The following CUX1 variants were observed in gnomAD, a reference collection of about 807,000 sequenced individuals.
The protein encoded by CUX1 is protein CASP.
In CUX1, 31 loss-of-function variants were observed where a neutral mutation model predicts 158.8. The observed-to-expected ratio is 0.20, with a 90% CI of 0.15 to 0.26. The LOEUF is 0.26. Among genes scored for constraint, CUX1 ranks in the 10% least tolerant of loss-of-function variants. The pLI, the probability that CUX1 is intolerant of heterozygous loss-of-function variation, is 1.00. For missense variants in CUX1, 1,589 were observed against 2,014.6 expected (o/e 0.79, Z 4.04); for synonymous variants, 879 against 862.1 (o/e 1.02, Z -0.34).
chr7:101,818,262 T>C, intron 1 of CUX1, among the ~76,000 whole-genome samples: 1 of 152,246 alleles, frequency 6.6e-6, no homozygotes, highest in South Asian at 2.1e-4. Flanking sequence ...TCTACCCTGT[T>C]TTAGTAAAAA....
At position 102,206,468 on chromosome 7, in the gene CUX1, G is replaced by A. The variant is rs564052220; in HGVS notation, c.3130+1298G>A. Among the ~76,000 whole-genome samples, 9 of 152,238 alleles carry A rather than the reference G, an allele frequency of 5.9e-5. No homozygotes were observed. The South Asian group carries it at 1.7e-3, about 28-fold the overall frequency. ...ATAGCTGTTTGTGCTGGAGTTTTAC[G>A]GACGTCTGCTTGGAAAGTTAGCCTT... On this transcript the variant is annotated intron_variant, in intron 20 of 23. Coordinates refer to ENST00000292535, the MANE Select transcript of CUX1 (RefSeq NM_181552.4).
At chr7:101,965,835 T>C (rs1219287933) in intron 2 of CUX1, among the ~76,000 whole-genome samples, 1 of 110,190 alleles carries the variant, frequency 9.1e-6, no homozygotes, top group Non-Finnish European at 1.7e-5. Context: ...GGCAACAGTG[T>C]GTGACTCCAT....
intron 12 of CUX1, among the ~76,000 whole-genome samples, chr7:102,191,653 G>A (rs1014887403): frequency 3.9e-5 from 6 of 152,086 alleles, no homozygotes; most frequent in South Asian, 2.1e-4. Context: ...AAACTGCTGC[G>A]AAGGCCTTTG....
At chr7:102,139,104 G>T (rs1188764991) in intron 8 of CUX1, among the ~76,000 whole-genome samples, 5 of 151,950 alleles carry the variant, frequency 3.3e-5, no homozygotes, top group African/African-American at 9.7e-5. Context: ...AATTAGCTGG[G>T]TGTGGTGGTA....
chr7:102,107,583 C>T (rs1038641248), intron 6 of CUX1, among the ~76,000 whole-genome samples: 3 of 152,134 alleles, frequency 2.0e-5, no homozygotes, highest in Admixed American at 6.5e-5. Flanking sequence ...TGCCAGCTCC[C>T]GCCCACCCGG....
At chr7:101,921,516 A>G (rs899763022) in intron 2 of CUX1, among the ~76,000 whole-genome samples, 3 of 152,088 alleles carry the variant, frequency 2.0e-5, no homozygotes, top group African/African-American at 4.8e-5. Context: ...GCTGGACTGC[A>G]GTGGCGCCAT....
intron 3 of CUX1, among the ~76,000 whole-genome samples, chr7:102,060,848 G>A (rs1025054967): frequency 3.4e-5 from 5 of 147,714 alleles, no homozygotes; most frequent in African/African-American, 7.5e-5. Context: ...TCCTGACCTT[G>A]TGATCTGCCC....
At chr7:101,862,280 G>A (rs1374560883) in intron 1 of CUX1, among the ~76,000 whole-genome samples, 1 of 152,038 alleles carries the variant, frequency 6.6e-6, no homozygotes, top group Non-Finnish European at 1.5e-5. Flanking sequence ...TCTCGGGGGT[G>A]TGTGGCGGGA....
chr7:102,189,102 CCTGATGCCTAT>C (rs1209924262), intron 11 of CUX1, among the ~76,000 whole-genome samples: 4 of 152,106 alleles, frequency 2.6e-5, no homozygotes, highest in African/African-American at 9.7e-5. Flanking sequence ...AGGCCTTTGC[CCTGATGCCTAT>C]CTGATGCCTA....
chr7:102,030,691 G>GTTTTTTTTTTTTTTTTTTTTTTGT (rs71119801), intron 3 of CUX1, among the ~76,000 whole-genome samples: 1 of 119,386 alleles, frequency 8.4e-6, no homozygotes. Context: ...TTTAAAAAGT[G>GTTTTTTTTTTTTTTTTTTTTTTGT]TTTTTTTTTT....
Position 102,248,831 on chromosome 7 carries a change from G to T in CUX1, c.4307G>T (p.Ser1436Ile), listed in dbSNP as rs1554538270. ...AAPGEGPAAP[S>I]SAPPPSNSSS... ...CCGGGGGAGGGCCCCGCGGCCCCGA[G>T]CTCCGCGCCGCCGCCCAGCAACAGC... is the stretch of plus-strand genomic sequence containing the variant. The change falls in exon 24 of 24, where the codon AGC becomes ATC. Residue 1436 changes from serine to isoleucine, a missense_variant. By Grantham distance (142) the Ser-to-Ile change is moderately radical. Coordinates refer to ENST00000292535, the MANE Select transcript of CUX1 (RefSeq NM_181552.4). The surrounding 1 kb of genome is among the most constrained non-coding windows in gnomAD (Gnocchi z 5.8). 11 of 1,194,606 alleles carry T rather than the reference G, an allele frequency of 9.2e-6. No individual in the cohort carries two copies. The South Asian group carries it at 2.9e-4, about 32-fold the overall frequency. The allele number at this position is 1,194,606 out of a possible 1,614,324, so 74.0% of individuals were successfully genotyped here. A position where few individuals can be genotyped will look rare whatever the true frequency, so the allele number is the denominator to read the frequency against.
At chr7:102,050,276 A>G (rs1454203794) in intron 3 of CUX1, among the ~76,000 whole-genome samples, 1 of 152,192 alleles carries the variant, frequency 6.6e-6, no homozygotes, top group African/African-American at 2.4e-5. Context: ...CGTTATATGC[A>G]CATGTTTAAA....
chr7:101,933,936 G>A (rs1424831420), intron 2 of CUX1, among the ~76,000 whole-genome samples: 1 of 152,282 alleles, frequency 6.6e-6, no homozygotes, highest in Non-Finnish European at 1.5e-5. Context: ...TTTAAAAAGC[G>A]ATGTTTGGAT....
At chr7:102,167,610 C>T (rs782342639) in intron 9 of CUX1, among the ~76,000 whole-genome samples, 19 of 152,236 alleles carry the variant, frequency 1.2e-4, no homozygotes, top group Non-Finnish European at 2.1e-4. Context: ...TCTCCAAATA[C>T]ATCTTATTCC....
rs116329763 is a variant in CUX1 at position 102,122,891 on chromosome 7, C to A, written c.674+7618C>A. 6.9e-3 allele frequency among the ~76,000 whole-genome samples: 1,049 copies of A among 152,038 alleles called. 13 individuals are homozygous for A. The highest frequency in any genetic ancestry group is 0.024 in the African/African-American group (1,003 of 41,448). Reference sequence around the variant, plus strand: ...GGAGGGGGCTTACAGACGTCACATGCACACACACAGGCTCACACACTCTGT... The same window carrying A: ...GGAGGGGGCTTACAGACGTCACATGAACACACACAGGCTCACACACTCTGT... On this transcript the variant is annotated intron_variant, in intron 8 of 23. Coordinates refer to ENST00000292535, the MANE Select transcript of CUX1 (RefSeq NM_181552.4).
At position 101,869,872 on chromosome 7, in the gene CUX1, C is replaced by G. The variant is rs913699547; in HGVS notation, c.31-46243C>G. Among the ~76,000 whole-genome samples, 1 of 152,136 alleles carries G rather than the reference C, an allele frequency of 6.6e-6. No individual in the cohort carries two copies. The highest frequency in any genetic ancestry group is 1.5e-5 in the Non-Finnish European group (1 of 68,014). On this transcript the variant is annotated intron_variant, in intron 1 of 23. Coordinates refer to ENST00000292535, the MANE Select transcript of CUX1 (RefSeq NM_181552.4). The surrounding 1 kb of genome is among the most constrained non-coding windows in gnomAD (Gnocchi z 4.5). The stretch of plus-strand genomic sequence containing the variant: ...TCCTCTTGTTAAGACGCGCTCCGCC[C>G]CTGTGTCCTTATTTCCCACCGTGGT...
intron 2 of CUX1, among the ~76,000 whole-genome samples, chr7:101,969,359 CAA>C (rs10711703): frequency 0.066 from 3,740 of 56,262 alleles, 78 homozygotes; most frequent in Non-Finnish European, 0.08. Flanking sequence ...CAAAAAACAG[CAA>C]AAAAAAAAAA....
chr7:102,002,358 C>T lies in CUX1; in HGVS notation c.142-25740C>T, dbSNP rs77901756. Among the ~76,000 whole-genome samples, 64 of 152,186 alleles carry T rather than the reference C, an allele frequency of 4.2e-4. No homozygotes were observed. The East Asian group carries it at 0.012, about 28-fold the overall frequency. ...TGTGGTTGCAACTTTTGCACATCAC[C>T]TTGAGTTCTGGGCAAGGGGAGAGGA... On this transcript the variant is annotated intron_variant, in intron 2 of 23. Transcript: ENST00000292535.
intron 4 of CUX1, among the ~76,000 whole-genome samples, chr7:102,077,272 C>G (rs1826862261): frequency 6.6e-6 from 1 of 151,618 alleles, no homozygotes; most frequent in South Asian, 2.1e-4. Flanking sequence ...AGGAAGGAGA[C>G]CAGCAGGTGG....
Sources: gnomAD v4.1 joint callset for allele counts (sites outside exome capture counted in the v4.1 genomes callset) on GRCh38, gnomAD v4.1.1 for gene constraint, Gnocchi (gnomAD v3.1) non-coding constraint, MANE v1.5 for transcripts, NCBI Gene and HGNC (gene_info 2026-07-23, HGNC 2026-07-21) for gene names.